The following GSK3B variants were observed in gnomAD, a reference collection of about 807,000 sequenced individuals.
GSK3B encodes glycogen synthase kinase 3 beta.
GSK3B carries 15 observed loss-of-function variants against 56.4 expected under a neutral mutation model. The ratio of observed to expected loss-of-function variants is 0.27; its 90% CI spans 0.18 to 0.41. The LOEUF (loss-of-function observed/expected upper bound fraction) is 0.41, where lower values mean the gene tolerates loss of function less well. Ranked by LOEUF, GSK3B falls within the 10% of genes least tolerant of loss-of-function variation. The pLI is 1.00. For missense variants in GSK3B, 300 were observed against 513.4 expected, an observed-to-expected ratio of 0.58 and a Z score of 4.02; for synonymous variants, 181 against 188.9, an observed-to-expected ratio of 0.96 and a Z score of 0.34.
intron 10 of GSK3B, among the ~76,000 whole-genome samples, chr3:119,842,543 A>G (rs2055788461): frequency 6.6e-6 from 1 of 152,208 alleles, no homozygotes; most frequent in Admixed American, 6.5e-5. Flanking sequence ...CAACATATTT[A>G]TATGTTTTCA....
intron 2 of GSK3B, among the ~76,000 whole-genome samples, chr3:119,954,831 G>A (rs898970588): frequency 6.6e-6 from 1 of 152,110 alleles, no homozygotes; most frequent in Non-Finnish European, 1.5e-5. Flanking sequence ...TAAAAGCACA[G>A]ACTGAAAAAG....
In GSK3B at chr3:119,981,913, A is replaced by G. The variant is rs201139771; in HGVS notation, c.282+20133T>C. Among the ~76,000 whole-genome samples, 210 of 152,352 alleles carry G rather than the reference A, an allele frequency of 1.4e-3. 1 individual carries two copies. The East Asian group carries it at 0.028, about 21-fold the overall frequency. ...CCACAAGTGGGTCCCTGACCCCCGT[A>G]TAGCCTAACTGGGAGATACCTCCCA... On this transcript the variant is annotated intron_variant, in intron 2 of 10. Transcript: ENST00000264235.
At chr3:120,020,173 T>C (rs1400232199) in intron 1 of GSK3B, among the ~76,000 whole-genome samples, 1 of 152,122 alleles carries the variant, frequency 6.6e-6, no homozygotes, top group African/African-American at 2.4e-5. Context: ...GAAAATAAAA[T>C]AGCAGGTAAT....
chr3:119,918,436 C>G (rs1559836201), intron 4 of GSK3B, among the ~76,000 whole-genome samples: 1 of 151,628 alleles, frequency 6.6e-6, no homozygotes, highest in Non-Finnish European at 1.5e-5. Context: ...CACCACTGCA[C>G]TCCAGCCTGG....
chr3:120,000,822 A>C lies in GSK3B; in HGVS notation c.282+1224T>G, dbSNP rs950946235. Reference sequence around the variant, plus strand: ...GACAAGAAAAAAAAGGGAAGATAGCAAAAAAAAAAAAAAAAAGTTACGAGA... The same window carrying C: ...GACAAGAAAAAAAAGGGAAGATAGCCAAAAAAAAAAAAAAAAGTTACGAGA... On this transcript the variant is annotated intron_variant, in intron 2 of 10. Coordinates refer to ENST00000264235, the MANE Select transcript of GSK3B (RefSeq NM_001146156.2). 6.8e-5 allele frequency among the ~76,000 whole-genome samples: 7 copies of C among 103,214 alleles called. No individual in the cohort carries two copies. The South Asian group carries it at 1.0e-3, about 15-fold the overall frequency. The allele number at this position is 103,214 out of a possible 152,430, so 67.7% of individuals were successfully genotyped here.
chr3:119,912,468 G>A (rs999256517), intron 6 of GSK3B, among the ~76,000 whole-genome samples: 47 of 151,544 alleles, frequency 3.1e-4, no homozygotes, highest in Admixed American at 2.6e-3. Flanking sequence ...GGGCAGACTT[G>A]CTTGACTCAG....
chr3:119,996,114 C>T (rs944205385), intron 2 of GSK3B, among the ~76,000 whole-genome samples: 2 of 152,214 alleles, frequency 1.3e-5, no homozygotes, highest in African/African-American at 4.8e-5. Context: ...TTTTAAACTA[C>T]AAAATGCTAT....
Position 120,082,382 on chromosome 3 carries a change from G to GTT in GSK3B, c.88+10963_88+10964dup, listed in dbSNP as rs1296252569. Among the ~76,000 whole-genome samples the GTT allele has an allele frequency of 1.3e-3, 96 of 72,452 alleles. 1 individual carries two copies. Among genetic ancestry groups the GTT allele is most frequent in the African/African-American group, 4.9e-3 (87 of 17,722 alleles). 47.5% of individuals were successfully genotyped at this position (72,452 alleles called of 152,430 possible). A position where few individuals can be genotyped will look rare whatever the true frequency, so the allele number is the denominator to read the frequency against. ...AAATGTGGCTAGCCCAAATTAGTAT[G>GTT]TTCTTTTTTTTTTTTTTTTTTTTTT... On this transcript the variant is annotated intron_variant, in intron 1 of 10. Coordinates refer to ENST00000264235, the MANE Select transcript of GSK3B (RefSeq NM_001146156.2).
intron 2 of GSK3B, among the ~76,000 whole-genome samples, chr3:119,971,601 ATTT>A (rs751790636): frequency 0.016 from 1,372 of 83,542 alleles, 12 homozygotes; most frequent in African/African-American, 0.069. Flanking sequence ...ATTTGCAATA[ATTT>A]TTTTTTTTTT....
intron 9 of GSK3B, among the ~76,000 whole-genome samples, chr3:119,849,148 A>T (rs1158653147): frequency 6.6e-6 from 1 of 152,234 alleles, no homozygotes; most frequent in Non-Finnish European, 1.5e-5. Context: ...ATTCTAAAGA[A>T]ATTCAGATTT....
chr3:119,930,539 T>C lies in GSK3B; in HGVS notation c.367-7056A>G, dbSNP rs185786805. Among the ~76,000 whole-genome samples the C allele has an allele frequency of 3.1e-3, 472 of 152,284 alleles. 2 individuals are homozygous for C. The highest frequency in any genetic ancestry group is 7.1e-3 in the Admixed American group (108 of 15,292). ...TAGAAGAATGGCTTAAAATGAAACA[T>C]TGAATAAAAATTTAAAGAACTTGGG... is the stretch of plus-strand genomic sequence containing the variant. On this transcript the variant is annotated intron_variant, in intron 3 of 10. Transcript: ENST00000264235.
At chr3:119,916,883 T>C (rs1202270761) in intron 4 of GSK3B, among the ~76,000 whole-genome samples, 2 of 152,176 alleles carry the variant, frequency 1.3e-5, no homozygotes, top group African/African-American at 2.4e-5. Context: ...CTTTCTCAGT[T>C]TTCTTACCAA....
Position 119,826,656 on chromosome 3 carries a change from TA to T in GSK3B, c.*131del. On this transcript the variant is annotated 3_prime_UTR_variant, in exon 11 of 11. Coordinates refer to ENST00000264235, the MANE Select transcript of GSK3B (RefSeq NM_001146156.2). ...GGTTAAATAAGAACAACAATAATAA[TA>T]AAAAAATTGAACACTAAAATGAACA... The T allele has an allele frequency of 1.6e-6, 1 of 627,074 alleles. No individual in the cohort carries two copies. 38.8% of individuals were successfully genotyped at this position (627,074 alleles called of 1,614,324 possible). A position where few individuals can be genotyped will look rare whatever the true frequency, so the allele number is the denominator to read the frequency against.
chr3:119,948,287 A>AGGATGG (rs2057119887), intron 2 of GSK3B, among the ~76,000 whole-genome samples: 1 of 152,210 alleles, frequency 6.6e-6, no homozygotes, highest in African/African-American at 2.4e-5. Flanking sequence ...GAGGCCAAGA[A>AGGATGG]GGATGGGGAT....
intron 1 of GSK3B, among the ~76,000 whole-genome samples, chr3:120,047,394 T>G (rs767509887): frequency 6.6e-6 from 1 of 152,152 alleles, no homozygotes; most frequent in Non-Finnish European, 1.5e-5. Context: ...GGTAGCAACT[T>G]TCTCATATTC....
chr3:120,089,611 T>C (rs2058494061), intron 1 of GSK3B, among the ~76,000 whole-genome samples: 2 of 152,212 alleles, frequency 1.3e-5, no homozygotes, highest in African/African-American at 4.8e-5. Context: ...AAAAGTTTTA[T>C]ATGAGGAAAC....
At chr3:120,037,526 T>C (rs978026886) in intron 1 of GSK3B, among the ~76,000 whole-genome samples, 7 of 152,158 alleles carry the variant, frequency 4.6e-5, no homozygotes, top group Non-Finnish European at 7.3e-5. Context: ...AAGCCGGTAG[T>C]GTGTAATACG....
chr3:119,978,832 T>C (rs1479357039), intron 2 of GSK3B, among the ~76,000 whole-genome samples: 3 of 152,186 alleles, frequency 2.0e-5, no homozygotes, highest in Non-Finnish European at 4.4e-5. Flanking sequence ...AGGTCAGCCA[T>C]CCCGGTCCTC....
rs550706270 is a variant in GSK3B, at chr3:119,865,748, C to T, written c.910-2143G>A. On this transcript the variant is annotated intron_variant, in intron 8 of 10. Transcript: ENST00000264235. ...CCTCCCAAAGTGCTGGGATTACAGGCGTGAGCCACCGTGCCCGGCCTATTT... is the reference window on the plus strand; with the variant it reads ...CCTCCCAAAGTGCTGGGATTACAGGTGTGAGCCACCGTGCCCGGCCTATTT... 2.8e-4 allele frequency among the ~76,000 whole-genome samples: 42 copies of T among 152,012 alleles called. 1 individual carries two copies. Among genetic ancestry groups the T allele is most frequent in the Admixed American group, 2.8e-3 (42 of 15,268 alleles).
Sources: allele counts gnomAD v4.1 joint callset (sites outside exome capture counted in the v4.1 genomes callset), GRCh38; gene constraint gnomAD v4.1.1; transcripts MANE v1.5; gene names NCBI Gene and HGNC (gene_info 2026-07-23, HGNC 2026-07-21).